MAPK8IP3: variants seen among roughly 807,000 people sequenced by gnomAD.
The protein encoded by MAPK8IP3 is C-Jun-amino-terminal kinase-interacting protein 3.
In MAPK8IP3, 49 loss-of-function variants were observed where a neutral mutation model predicts 157.8. The ratio of observed to expected loss-of-function variants is 0.31; its 90% CI spans 0.25 to 0.39. MAPK8IP3 has a LOEUF of 0.39. MAPK8IP3 is among the 10% of genes least tolerant of loss of function. The pLI is 1.00. For missense variants in MAPK8IP3, 1,478 were observed against 1,889.4 expected (o/e 0.78, Z 4.04); for synonymous variants, 897 against 777.7 (o/e 1.15, Z -2.55).
At chr16:1,758,127 G>C (rs1261219577) in intron 8 of MAPK8IP3, 21 bp from the exon 9 acceptor site, 2 of 1,613,454 alleles carry the variant, frequency 1.2e-6, no homozygotes, top group Non-Finnish European at 8.5e-7. Flanking sequence ...CTGCCTCTCT[G>C]TGCGTCGCTG....
chr16:1,716,652 G>A (rs925448600), intron 1 of MAPK8IP3, among the ~76,000 whole-genome samples: 6 of 151,988 alleles, frequency 3.9e-5, no homozygotes, highest in African/African-American at 1.2e-4. Context: ...GGTGGCTCAC[G>A]GCTCTAATCC....
rs564018559 is a variant in MAPK8IP3 at position 1,759,253 on chromosome 16, C to T, written c.1246+258C>T. Among the ~76,000 whole-genome samples, 202 of 119,582 alleles carry T rather than the reference C, an allele frequency of 1.7e-3. 1 individual carries two copies. The highest frequency in any genetic ancestry group is 7.9e-3 in the African/African-American group (189 of 23,976). The allele number at this position is 119,582 out of a possible 152,430, so 78.5% of individuals were successfully genotyped here. A position where few individuals can be genotyped will look rare whatever the true frequency, so the allele number is the denominator to read the frequency against. ...TGAACCCCACAAGCGCCGGGCAGACCCTGCCTGTGGGGAGGAAGGCCCATG... is the reference window on the plus strand; with the variant it reads ...TGAACCCCACAAGCGCCGGGCAGACTCTGCCTGTGGGGAGGAAGGCCCATG... On this transcript the variant is annotated intron_variant, in intron 10 of 31. Coordinates refer to ENST00000610761, the MANE Select transcript of MAPK8IP3 (RefSeq NM_001318852.2).
rs1295569396 is a variant in MAPK8IP3 at position 1,724,568 on chromosome 16, G to A, written c.330G>A (p.Glu110=). 2 of 1,613,346 alleles carry A rather than the reference G, an allele frequency of 1.2e-6. No individual in the cohort carries two copies. The highest frequency in any genetic ancestry group is 1.1e-5 in the South Asian group (1 of 91,090). ...LRRQAEEKFI[E]FEDALEQEKK... is the part of the protein sequence containing the mutation. ...CCTTCCATGCACAGAAATTCATTGA[G>A]TTTGAAGATGCTCTGGAACAAGAGA... The change falls in exon 2 of 32, where the codon GAG becomes GAA. Residue 110 remains glutamate, a synonymous_variant. Coordinates refer to ENST00000610761, the MANE Select transcript of MAPK8IP3 (RefSeq NM_001318852.2). The surrounding 1 kb of genome is among the most constrained non-coding windows in gnomAD (Gnocchi z 4.1).
At chr16:1,739,653 A>T (rs1482147026) in intron 4 of MAPK8IP3, among the ~76,000 whole-genome samples, 1 of 88,814 alleles carries the variant, frequency 1.1e-5, no homozygotes, top group East Asian at 3.5e-4. Context: ...CGTCCGTGTG[A>T]GCATCTGTGT....
chr16:1,724,730 C>CGG lies in MAPK8IP3; in HGVS notation c.439+54_439+55dup. On this transcript the variant is annotated intron_variant, in intron 2 of 31. Transcript: ENST00000610761. This position sits in a 1 kb window ranked among gnomAD's most constrained non-coding sequence, Gnocchi z 4.1. ...GCGCTTGATGGGCGCTGCTCTGGGA[C>CGG]GGCTCTGGTTGGGGTGGGCATGGAG... 1 of 1,588,292 alleles carries CGG rather than the reference C, an allele frequency of 6.3e-7. No individual in the cohort carries two copies. The highest frequency in any genetic ancestry group is 8.6e-7 in the Non-Finnish European group (1 of 1,164,420).
intron 1 of MAPK8IP3, among the ~76,000 whole-genome samples, chr16:1,717,914 C>T (rs1448815740): frequency 2.0e-5 from 3 of 151,670 alleles, no homozygotes; most frequent in African/African-American, 7.3e-5. Flanking sequence ...TGCAGTGGCA[C>T]GATCTCAGCT....
chr16:1,750,933 C>T (rs1468453629), intron 8 of MAPK8IP3, among the ~76,000 whole-genome samples: 4 of 152,122 alleles, frequency 2.6e-5, no homozygotes, highest in Admixed American at 6.5e-5. Context: ...CGTGAGCCAC[C>T]ACTCCTGGCC....
intron 2 of MAPK8IP3, among the ~76,000 whole-genome samples, chr16:1,728,169 C>A (rs898073278): frequency 6.6e-6 from 1 of 152,222 alleles, no homozygotes; most frequent in Non-Finnish European, 1.5e-5. Flanking sequence ...TGCCCGTCGG[C>A]CTGTCATGCT....
rs777923964 is a variant in MAPK8IP3 at position 1,766,579 on chromosome 16, C to T, written c.2870C>T (p.Pro957Leu). The T allele has an allele frequency of 1.2e-6, 2 of 1,612,406 alleles. No homozygotes were observed. The highest frequency in any genetic ancestry group is 1.7e-6 in the Non-Finnish European group (2 of 1,179,850). The change falls in exon 23 of 32, where the codon CCC becomes CTC. Residue 957 changes from proline (P) to leucine (L), a missense_variant. By Grantham distance (98) the Pro-to-Leu change is moderately conservative. Coordinates refer to ENST00000610761, the MANE Select transcript of MAPK8IP3 (RefSeq NM_001318852.2). ...AGCAGCACACGGCCAGAGCCAGAGC[C>T]CAGCGGGGACCCCACGGGAGCAGGC... Reference protein sequence around the residue: ...DSSSTRPEPEPSGDPTGAGSS... With the variant: ...DSSSTRPEPELSGDPTGAGSS...
intron 4 of MAPK8IP3, among the ~76,000 whole-genome samples, chr16:1,736,189 T>G (rs1014758927): frequency 4.3e-5 from 5 of 117,608 alleles, no homozygotes; most frequent in Admixed American, 3.0e-4. Context: ...CGTGTGACCG[T>G]CCGTGTGAGC....
rs774555206 is a variant in MAPK8IP3 at position 1,747,142 on chromosome 16, A to T, written c.861A>T (p.Thr287=). Residue 287 remains threonine, a synonymous_variant, in exon 6 of 32, where the codon ACA becomes ACT. Coordinates refer to ENST00000610761, the MANE Select transcript of MAPK8IP3 (RefSeq NM_001318852.2). The part of the protein sequence containing the change: ...PTSSVPSAAV[T]PLNESLQPLG... The stretch of plus-strand genomic sequence containing the variant: ...CCTCCGTGCCCTCGGCCGCCGTCAC[A>T]CCCCTCAACGAGAGCCTGCAGCCCC... The T allele has an allele frequency of 1.9e-6, 3 of 1,613,878 alleles. No homozygotes were observed. The highest frequency in any genetic ancestry group is 4.5e-5 in the East Asian group (2 of 44,880).
In MAPK8IP3 at chr16:1,723,782, C is replaced by T. The variant is rs887094813; in HGVS notation, c.319-775C>T. ...GAACTACACTTATGGCATCGATGCCCGGCCACACCTGGGGCCTCACTGGCC... is the reference window on the plus strand; with the variant it reads ...GAACTACACTTATGGCATCGATGCCTGGCCACACCTGGGGCCTCACTGGCC... On this transcript the variant is annotated intron_variant, in intron 1 of 31. Coordinates refer to ENST00000610761, the MANE Select transcript of MAPK8IP3 (RefSeq NM_001318852.2). 6.6e-5 allele frequency among the ~76,000 whole-genome samples: 10 copies of T among 152,324 alleles called. No individual in the cohort carries two copies. In the South Asian group the frequency reaches 8.3e-4, roughly 13 times the overall value.
chr16:1,755,787 C>T (rs2041559611), intron 8 of MAPK8IP3, among the ~76,000 whole-genome samples: 1 of 143,140 alleles, frequency 7.0e-6, no homozygotes, highest in African/African-American at 2.6e-5. Context: ...GTGGAGGTTG[C>T]AGTGAAGTGA....
chr16:1,721,658 A>G (rs2038530264), intron 1 of MAPK8IP3, among the ~76,000 whole-genome samples: 1 of 152,194 alleles, frequency 6.6e-6, no homozygotes, highest in Non-Finnish European at 1.5e-5. Flanking sequence ...ACCATGTTGC[A>G]TCTAACTCCT....
chr16:1,713,712 C>T (rs990277156), intron 1 of MAPK8IP3: 1 of 152,158 alleles, frequency 6.6e-6, no homozygotes, highest in African/African-American at 2.4e-5. Flanking sequence ...GGTGGGAAAC[C>T]GCTCGCACCT....
chr16:1,743,802 A>G lies in MAPK8IP3; in HGVS notation c.747+326A>G. The G allele has an allele frequency of 8.2e-7, 1 of 1,226,664 alleles. No individual in the cohort carries two copies. The highest frequency in any genetic ancestry group is 1.0e-6 in the Non-Finnish European group (1 of 980,582). 76.0% of individuals were successfully genotyped at this position (1,226,664 alleles called of 1,614,324 possible). A position where few individuals can be genotyped will look rare whatever the true frequency, so the allele number is the denominator to read the frequency against. The stretch of plus-strand genomic sequence containing the variant: ...GGTTGAGCTTAGTGATCCTCTCTCA[A>G]ACCACACCCCCACATAAAGCCTCAT... On this transcript the variant is annotated intron_variant, in intron 5 of 31. Transcript: ENST00000610761. The surrounding 1 kb of genome is among the most constrained non-coding windows in gnomAD (Gnocchi z 5.6).
chr16:1,770,294 T>G lies in MAPK8IP3; in HGVS notation c.*1470T>G. 4.3e-6 allele frequency: 1 copy of G among 231,084 alleles called. No homozygotes were observed. The highest frequency in any genetic ancestry group is 8.4e-6 in the Non-Finnish European group (1 of 118,540). 14.3% of individuals were successfully genotyped at this position (231,084 alleles called of 1,614,324 possible). ...AGCAAACCCACATATCTGCTCTGTATGTAATAAATGTCTTAACGTCGTAGC... is the reference window on the plus strand; with the variant it reads ...AGCAAACCCACATATCTGCTCTGTAGGTAATAAATGTCTTAACGTCGTAGC... On this transcript the variant is annotated 3_prime_UTR_variant, in exon 32 of 32. Transcript: ENST00000610761.
At chr16:1,728,615 G>C (rs1165052735) in intron 2 of MAPK8IP3, among the ~76,000 whole-genome samples, 4 of 143,538 alleles carry the variant, frequency 2.8e-5, no homozygotes, top group East Asian at 2.1e-4. Context: ...GTTCTCCCAT[G>C]GCACAGCACA....
At chr16:1,727,981 C>T (rs1044354814) in intron 2 of MAPK8IP3, among the ~76,000 whole-genome samples, 13 of 152,228 alleles carry the variant, frequency 8.5e-5, no homozygotes, top group Non-Finnish European at 1.8e-4. Flanking sequence ...AGCACCTTAC[C>T]AGCTGAGTCC....
Sources: allele counts gnomAD v4.1 joint callset (sites outside exome capture counted in the v4.1 genomes callset), GRCh38; gene constraint gnomAD v4.1.1; non-coding constraint Gnocchi (gnomAD v3.1); transcripts MANE v1.5; gene names NCBI Gene and HGNC (gene_info 2026-07-23, HGNC 2026-07-21).